Variants in CPSF2 observed in about 807,000 individuals in gnomAD.
CPSF2 encodes cleavage and polyadenylation specific factor 2.
In CPSF2, 51 loss-of-function variants were observed where a neutral mutation model predicts 84.2. The observed-to-expected ratio is 0.61, with a 90% CI of 0.48 to 0.77. The LOEUF (loss-of-function observed/expected upper bound fraction) is 0.77, where lower values mean the gene tolerates loss of function less well. CPSF2 is among the 30% of genes least tolerant of loss of function. CPSF2 has a pLI of 0.00. For synonymous variants in CPSF2, 286 were observed against 311.9 expected, an observed-to-expected ratio of 0.92 and a Z score of 0.87; for missense variants, 641 against 929.4, an observed-to-expected ratio of 0.69 and a Z score of 4.03.
In CPSF2 at chr14:92,122,023, T is replaced by C. The variant is rs2068774390; in HGVS notation, c.-199T>C. ...CCACTGTGGGGCTTCTGCCGGCCGG[T>C]AGTCCCTGGCGCTGCTGACCCAGCA... On this transcript the variant is annotated 5_prime_UTR_variant, in exon 1 of 16. Coordinates refer to ENST00000298875, the MANE Select transcript of CPSF2 (RefSeq NM_017437.3). 1.6e-5 allele frequency: 10 copies of C among 608,320 alleles called. No homozygotes were observed. The highest frequency in any genetic ancestry group is 2.3e-5 in the Non-Finnish European group (8 of 346,582). 37.7% of individuals were successfully genotyped at this position (608,320 alleles called of 1,614,324 possible).
At chr14:92,138,175 C>A in intron 6 of CPSF2, 57 bp from the exon 7 acceptor site, 2 of 850,672 alleles carry the variant, frequency 2.4e-6, no homozygotes, top group Non-Finnish European at 3.7e-6. Flanking sequence ...GTAAGAGAAG[C>A]TATTATTGTT....
In CPSF2 at chr14:92,131,950, C is replaced by A. The variant is rs1198823142; in HGVS notation, c.149+817C>A. 2.0e-5 allele frequency among the ~76,000 whole-genome samples: 3 copies of A among 152,200 alleles called. No homozygotes were observed. The East Asian group carries it at 5.8e-4, about 29-fold the overall frequency. On this transcript the variant is annotated intron_variant, in intron 3 of 15. Coordinates refer to ENST00000298875, the MANE Select transcript of CPSF2 (RefSeq NM_017437.3). Reference sequence around the variant, plus strand: ...AACTTTAGAACTTGAGAAAAAAAATCCAAACCATTTTATTAATTTCTTGTG... The same window carrying A: ...AACTTTAGAACTTGAGAAAAAAAATACAAACCATTTTATTAATTTCTTGTG...
intron 3 of CPSF2, among the ~76,000 whole-genome samples, chr14:92,132,790 A>T (rs1397581932): frequency 6.6e-6 from 1 of 151,004 alleles, no homozygotes; most frequent in Non-Finnish European, 1.5e-5. Flanking sequence ...AAACAAAAAA[A>T]ACAAAAAGAG....
intron 1 of CPSF2, among the ~76,000 whole-genome samples, chr14:92,123,329 T>A (rs1043552338): frequency 2.0e-5 from 3 of 151,884 alleles, no homozygotes; most frequent in Admixed American, 6.6e-5. Flanking sequence ...GGTTTCACCT[T>A]GTTGGCCAGG....
chr14:92,127,494 T>C (rs1002301508), intron 2 of CPSF2, among the ~76,000 whole-genome samples: 1 of 152,182 alleles, frequency 6.6e-6, no homozygotes, highest in African/African-American at 2.4e-5. Context: ...TTCTCAGACT[T>C]AGTGCAAATG....
chr14:92,123,813 C>A (rs1595046693), intron 1 of CPSF2, among the ~76,000 whole-genome samples: 1 of 152,244 alleles, frequency 6.6e-6, no homozygotes, highest in East Asian at 1.9e-4. Context: ...TTCATTCCTT[C>A]TTGCAGTACC....
intron 9 of CPSF2, among the ~76,000 whole-genome samples, chr14:92,151,984 C>T (rs1173699213): frequency 2.7e-5 from 4 of 146,050 alleles, no homozygotes; most frequent in Admixed American, 1.4e-4. Flanking sequence ...GCACTCCAGC[C>T]TGGGCAATGG....
At chr14:92,128,220 A>C (rs2068867019) in intron 2 of CPSF2, among the ~76,000 whole-genome samples, 1 of 150,438 alleles carries the variant, frequency 6.6e-6, no homozygotes, top group Non-Finnish European at 1.5e-5. Context: ...GGGTGACAAG[A>C]GTGAAACTCT....
chr14:92,161,920 G>A lies in CPSF2; in HGVS notation c.*176G>A, dbSNP rs1412890873. On this transcript the variant is annotated 3_prime_UTR_variant, in exon 16 of 16. Transcript: ENST00000298875. ...GAACATTTTGCAAATGCTCAAATGAGCATTCTATCTTTTGGCTTTCAGAGT... is the reference window on the plus strand; with the variant it reads ...GAACATTTTGCAAATGCTCAAATGAACATTCTATCTTTTGGCTTTCAGAGT... The A allele has an allele frequency of 6.2e-6, 3 of 487,060 alleles. No individual in the cohort carries two copies. Among genetic ancestry groups the A allele is most frequent in the Non-Finnish European group, 1.1e-5 (3 of 281,512 alleles). 30.2% of individuals were successfully genotyped at this position (487,060 alleles called of 1,614,324 possible). A position where few individuals can be genotyped will look rare whatever the true frequency, so the allele number is the denominator to read the frequency against.
chr14:92,122,139 G>A lies in CPSF2; in HGVS notation c.-94+11G>A, dbSNP rs2068777226. The A allele has an allele frequency of 2.7e-6, 1 of 372,460 alleles. No homozygotes were observed. The highest frequency in any genetic ancestry group is 2.1e-5 in the African/African-American group (1 of 47,610). 23.1% of individuals were successfully genotyped at this position (372,460 alleles called of 1,614,324 possible). A position where few individuals can be genotyped will look rare whatever the true frequency, so the allele number is the denominator to read the frequency against. The stretch of plus-strand genomic sequence containing the variant: ...GGGAGGCCTGACGAGGCAAGTGAGG[G>A]CGGGAGAAAGGAGCGAGCCTCGGGC... On this transcript the variant is annotated intron_variant, in intron 1 of 15. Coordinates refer to ENST00000298875, the MANE Select transcript of CPSF2 (RefSeq NM_017437.3).
rs183757752 is a variant in CPSF2 at position 92,170,947 on chromosome 14, T to A, written c.*9203T>A. Reference sequence around the variant, plus strand: ...AAACTTAAAAAGTACAGCATGATGTTTTGGTATATGTATCCATAGTGAAAT... The same window carrying A: ...AAACTTAAAAAGTACAGCATGATGTATTGGTATATGTATCCATAGTGAAAT... On this transcript the variant is annotated 3_prime_UTR_variant, in exon 16 of 16. Coordinates refer to ENST00000298875, the MANE Select transcript of CPSF2 (RefSeq NM_017437.3). 6.6e-6 allele frequency: 1 copy of A among 152,204 alleles called. No homozygotes were observed. The highest frequency in any genetic ancestry group is 1.5e-5 in the Non-Finnish European group (1 of 68,044). 9.4% of individuals were successfully genotyped at this position (152,204 alleles called of 1,614,324 possible).
At chr14:92,148,930 G>A (rs1353620936) in intron 9 of CPSF2, among the ~76,000 whole-genome samples, 1 of 151,916 alleles carries the variant, frequency 6.6e-6, no homozygotes, top group Non-Finnish European at 1.5e-5. Context: ...CATAGTACCT[G>A]GTATATTACA....
chr14:92,125,490 G>A (rs899456848), intron 1 of CPSF2, among the ~76,000 whole-genome samples: 7 of 152,042 alleles, frequency 4.6e-5, no homozygotes, highest in African/African-American at 1.7e-4. Flanking sequence ...TTATCTCCCT[G>A]CTTTCTGTAT....
chr14:92,155,975 G>A (rs1450068122), intron 11 of CPSF2, among the ~76,000 whole-genome samples: 1 of 151,500 alleles, frequency 6.6e-6, no homozygotes, highest in Non-Finnish European at 1.5e-5. Flanking sequence ...CTACTATCCT[G>A]TGTGGAAAAT....
rs550587211 is a variant in CPSF2 at position 92,123,362 on chromosome 14, C to T, written c.-94+1234C>T. ...AGGATTATCCGCCTGCCTCGGCCTC[C>T]CAAAGTTCTGGGATTACAGGCGTGA... On this transcript the variant is annotated intron_variant, in intron 1 of 15. Transcript: ENST00000298875. 1.4e-3 allele frequency among the ~76,000 whole-genome samples: 217 copies of T among 151,306 alleles called. 1 individual carries two copies. The highest frequency in any genetic ancestry group is 4.9e-3 in the African/African-American group (200 of 41,218).
chr14:92,139,383 C>T (rs1334731542), intron 7 of CPSF2, among the ~76,000 whole-genome samples: 1 of 150,586 alleles, frequency 6.6e-6, no homozygotes, highest in Non-Finnish European at 1.5e-5. Context: ...GGCCACTGCA[C>T]TCCAGCCTGG....
intron 1 of CPSF2, among the ~76,000 whole-genome samples, chr14:92,124,152 G>C (rs1386107734): frequency 6.6e-6 from 1 of 152,238 alleles, no homozygotes; most frequent in Non-Finnish European, 1.5e-5. Flanking sequence ...CGAGTGATTG[G>C]TGAAGCAAGA....
At chr14:92,161,022 A>C in intron 14 of CPSF2, 90 bp from the exon 15 acceptor site, 4 of 1,201,980 alleles carry the variant, frequency 3.3e-6, no homozygotes, top group Non-Finnish European at 4.7e-6. Flanking sequence ...AAAATCTCTT[A>C]GAGATAATGT....
At position 92,162,532 on chromosome 14, in the gene CPSF2, C is replaced by G. The variant is rs1567028449; in HGVS notation, c.*788C>G. On this transcript the variant is annotated 3_prime_UTR_variant, in exon 16 of 16. Coordinates refer to ENST00000298875, the MANE Select transcript of CPSF2 (RefSeq NM_017437.3). The stretch of plus-strand genomic sequence containing the variant: ...GTCCTGTGTTAAACTGTTTAGTGCT[C>G]TGTTTTTAAGAAAACAAATGTTGAA... The G allele has an allele frequency of 6.6e-6, 1 of 152,228 alleles. No homozygotes were observed. The highest frequency in any genetic ancestry group is 1.5e-5 in the Non-Finnish European group (1 of 68,026). 9.4% of individuals were successfully genotyped at this position (152,228 alleles called of 1,614,324 possible).
Sources: allele counts gnomAD v4.1 joint callset (sites outside exome capture counted in the v4.1 genomes callset), GRCh38; gene constraint gnomAD v4.1.1; transcripts MANE v1.5; gene names NCBI Gene and HGNC (gene_info 2026-07-23, HGNC 2026-07-21).